Variants in CNTN5 observed in about 807,000 individuals in gnomAD.
CNTN5 encodes contactin-5.
CNTN5 carries 77 observed loss-of-function variants against 129.1 expected under a neutral mutation model. That is an observed-to-expected ratio of 0.60 (90% confidence interval 0.50 to 0.72). The LOEUF (loss-of-function observed/expected upper bound fraction) is 0.72. CNTN5 is among the 30% of genes least tolerant of loss of function. The probability of loss-of-function intolerance (pLI) is 0.00; values close to 1 mark genes in which losing one functional copy is unlikely to be tolerated. For synonymous variants in CNTN5, 509 were observed against 465.6 expected, an observed-to-expected ratio of 1.09 and a Z score of -1.20; for missense variants, 1,478 against 1,328.8, an observed-to-expected ratio of 1.11 and a Z score of -1.75.
chr11:99,818,623 A>C (rs11221514), intron 3 of CNTN5, among the ~76,000 whole-genome samples: 24,479 of 152,174 alleles, frequency 0.16, 2,087 homozygotes, highest in Non-Finnish European at 0.18. Context: ...GATACTGTAC[A>C]TATAAAAAAT....
intron 13 of CNTN5, among the ~76,000 whole-genome samples, chr11:100,166,565 C>T (rs1191695437): frequency 6.6e-6 from 1 of 151,688 alleles, no homozygotes; most frequent in Non-Finnish European, 1.5e-5. Context: ...GCCAAGAACA[C>T]TTTTTAAAAT....
chr11:99,297,610 G>C (rs1864447667), intron 1 of CNTN5, among the ~76,000 whole-genome samples: 1 of 152,132 alleles, frequency 6.6e-6, no homozygotes, highest in Admixed American at 6.6e-5. Flanking sequence ...TGCCATTTCT[G>C]TAAGACTTCA....
intron 15 of CNTN5, among the ~76,000 whole-genome samples, chr11:100,201,422 A>G (rs1948774879): frequency 6.6e-6 from 1 of 151,970 alleles, no homozygotes; most frequent in Non-Finnish European, 1.5e-5. Flanking sequence ...TATTATCAAA[A>G]CCATTCTTTA....
intron 13 of CNTN5, among the ~76,000 whole-genome samples, chr11:100,132,921 A>G (rs928538036): frequency 1.3e-5 from 2 of 152,138 alleles, no homozygotes; most frequent in Non-Finnish European, 2.9e-5. Context: ...ATTTGCAAAT[A>G]AAAAGGCAAC....
At chr11:99,878,927 GT>G (rs922044047) in intron 6 of CNTN5, among the ~76,000 whole-genome samples, 4 of 151,790 alleles carry the variant, frequency 2.6e-5, no homozygotes, top group East Asian at 1.9e-4. Context: ...TACATGTTTT[GT>G]TTTTTGTTTT....
intron 18 of CNTN5, among the ~76,000 whole-genome samples, chr11:100,285,556 GCA>G (rs1210159219): frequency 2.0e-5 from 3 of 152,166 alleles, no homozygotes; most frequent in Non-Finnish European, 4.4e-5. Context: ...GGTTCTTGTA[GCA>G]CAGACAAGGC....
chr11:99,736,330 G>A (rs1029611892), intron 3 of CNTN5, among the ~76,000 whole-genome samples: 4 of 152,160 alleles, frequency 2.6e-5, no homozygotes, highest in African/African-American at 4.8e-5. Flanking sequence ...AGGATCTGGA[G>A]CCTAGGAGCT....
At chr11:100,024,397 G>T (rs2137579180) in intron 9 of CNTN5, among the ~76,000 whole-genome samples, 1 of 152,252 alleles carries the variant, frequency 6.6e-6, no homozygotes, top group South Asian at 2.1e-4. Context: ...GTTCTTCATA[G>T]CTGTATGAGA....
At chr11:100,044,788 AC>A (rs1942580733) in intron 9 of CNTN5, among the ~76,000 whole-genome samples, 1 of 151,998 alleles carries the variant, frequency 6.6e-6, no homozygotes, top group African/African-American at 2.4e-5. Flanking sequence ...TTGTCTGTTC[AC>A]GCTGTTGATT....
rs61911580 is a variant in CNTN5, at chr11:99,789,581, A to G, written c.56-29963A>G. Among the ~76,000 whole-genome samples, 1,295 of 152,096 alleles carry G rather than the reference A, an allele frequency of 8.5e-3. 13 individuals carry two copies. Among genetic ancestry groups the G allele is most frequent in the Non-Finnish European group, 0.015 (1,007 of 67,874 alleles). ...AGCTTCCTTTGCTTCCATCAGCTGT[A>G]TAGGATTCCTTCCAGGTTTGATATA... On this transcript the variant is annotated intron_variant, in intron 3 of 24. Coordinates refer to ENST00000524871, the MANE Select transcript of CNTN5 (RefSeq NM_014361.4).
At chr11:100,318,324 G>A (rs558736312) in intron 21 of CNTN5, among the ~76,000 whole-genome samples, 1 of 151,574 alleles carries the variant, frequency 6.6e-6, no homozygotes, top group Non-Finnish European at 1.5e-5. Flanking sequence ...TCTAAACAGG[G>A]GTTTCTCATC....
At chr11:100,125,442 A>G (rs1377922551) in intron 13 of CNTN5, among the ~76,000 whole-genome samples, 1 of 152,048 alleles carries the variant, frequency 6.6e-6, no homozygotes, top group East Asian at 1.9e-4. Flanking sequence ...GTACTTCGTT[A>G]ATTCACTTAG....
rs560050745 is a variant in CNTN5 at position 99,391,835 on chromosome 11, T to G, written c.-71+66351T>G. On this transcript the variant is annotated intron_variant, in intron 2 of 24. Coordinates refer to ENST00000524871, the MANE Select transcript of CNTN5 (RefSeq NM_014361.4). ...CCTGGGATACCCTTGTCATATTAGG[T>G]ATAAGGGCACAAGAGTCAGAATATT... is the stretch of plus-strand genomic sequence containing the variant. 5.3e-5 allele frequency among the ~76,000 whole-genome samples: 8 copies of G among 152,090 alleles called. No individual in the cohort carries two copies. The South Asian group carries it at 1.7e-3, about 31-fold the overall frequency.
intron 6 of CNTN5, 75 bp downstream of exon 6, chr11:99,845,337 T>G: frequency 1.7e-6 from 1 of 592,662 alleles, no homozygotes. Context: ...AAAATTTAGT[T>G]CAGGAAAGAA....
In CNTN5 at chr11:99,586,694, T is replaced by A. The variant is rs76163600; in HGVS notation, c.55+30425T>A. Among the ~76,000 whole-genome samples the A allele has an allele frequency of 4.3e-3, 657 of 152,314 alleles. 27 individuals carry two copies. The East Asian group carries it at 0.098, about 23-fold the overall frequency. ...CCCTATATCATAGTTGATTCTCCAT[T>A]GTATAGTAGATGTCTCTCTATGTAA... is the stretch of plus-strand genomic sequence containing the variant. On this transcript the variant is annotated intron_variant, in intron 3 of 24. Coordinates refer to ENST00000524871, the MANE Select transcript of CNTN5 (RefSeq NM_014361.4).
chr11:100,305,420 C>T (rs1951326741), intron 20 of CNTN5, among the ~76,000 whole-genome samples: 1 of 151,594 alleles, frequency 6.6e-6, no homozygotes, highest in African/African-American at 2.4e-5. Context: ...GGCCAACACT[C>T]AAGAATTCAG....
At chr11:99,217,784 C>T (rs1860203748) in intron 1 of CNTN5, among the ~76,000 whole-genome samples, 1 of 151,996 alleles carries the variant, frequency 6.6e-6, no homozygotes, top group Admixed American at 6.6e-5. Context: ...TAAAAATGGG[C>T]TTTTACATAA....
chr11:99,039,938 A>G (rs2135131937), intron 1 of CNTN5, among the ~76,000 whole-genome samples: 1 of 152,250 alleles, frequency 6.6e-6, no homozygotes, highest in South Asian at 2.1e-4. Context: ...CAAACTTTCT[A>G]TATTTGTTTT....
At chr11:99,529,220 C>A (rs1230165825) in intron 2 of CNTN5, among the ~76,000 whole-genome samples, 1 of 152,204 alleles carries the variant, frequency 6.6e-6, no homozygotes, top group African/African-American at 2.4e-5. Flanking sequence ...ATCTTCCCCA[C>A]CTGATCCACT....
Sources: gnomAD v4.1 joint callset for allele counts (sites outside exome capture counted in the v4.1 genomes callset) on GRCh38, gnomAD v4.1.1 for gene constraint, MANE v1.5 for transcripts, NCBI Gene and HGNC (gene_info 2026-07-23, HGNC 2026-07-21) for gene names.